The following MRTFB variants were observed in gnomAD, a reference collection of about 807,000 sequenced individuals.
MRTFB encodes the protein myocardin related transcription factor B, also known as myocardin-related transcription factor B.
In MRTFB, 29 loss-of-function variants were observed where a neutral mutation model predicts 104.2. That is an observed-to-expected ratio of 0.28 (90% CI 0.21 to 0.38). MRTFB has a LOEUF of 0.38. MRTFB is among the 10% of genes least tolerant of loss of function. The pLI is 1.00. For synonymous variants in MRTFB, 535 were observed against 519.5 expected, an observed-to-expected ratio of 1.03 and a Z score of -0.41; for missense variants, 1,270 against 1,341.6, an observed-to-expected ratio of 0.95 and a Z score of 0.83.
At chr16:14,160,487 T>A (rs1250578507) in intron 3 of MRTFB, among the ~76,000 whole-genome samples, 2 of 152,224 alleles carry the variant, frequency 1.3e-5, no homozygotes. Flanking sequence ...ATTTCTCTTA[T>A]GTAAATGTAC....
At chr16:14,243,372 A>G (rs1014880276) in intron 10 of MRTFB, among the ~76,000 whole-genome samples, 5 of 152,210 alleles carry the variant, frequency 3.3e-5, no homozygotes, top group Admixed American at 2.6e-4. Context: ...AGCTCACCCA[A>G]CTATGGCTGT....
chr16:14,187,967 G>A (rs908014488), intron 3 of MRTFB, among the ~76,000 whole-genome samples: 6 of 152,274 alleles, frequency 3.9e-5, no homozygotes, highest in East Asian at 1.9e-4. Context: ...GCTCTTGCCC[G>A]TCTTATAGAG....
At chr16:14,227,802 G>A (rs542153446) in intron 8 of MRTFB, among the ~76,000 whole-genome samples, 1 of 152,064 alleles carries the variant, frequency 6.6e-6, no homozygotes, top group Non-Finnish European at 1.5e-5. Context: ...GAGCCACCAC[G>A]CCCTGCCAAA....
chr16:14,163,850 C>G (rs2039133707), intron 3 of MRTFB, among the ~76,000 whole-genome samples: 3 of 148,430 alleles, frequency 2.0e-5, no homozygotes, highest in African/African-American at 7.5e-5. Context: ...AAAAAAAAAG[C>G]AGCTTTTATT....
chr16:14,234,980 TTTAAAACTAAAAAAGGATA>T (rs1191569964), intron 9 of MRTFB, among the ~76,000 whole-genome samples: 2 of 152,078 alleles, frequency 1.3e-5, no homozygotes, highest in East Asian at 3.9e-4. Flanking sequence ...ATCTCAAACT[TTTAAAACTAAAAAAGGATA>T]TTACAGTTAG....
At chr16:14,220,597 T>G (rs2041649193) in intron 8 of MRTFB, among the ~76,000 whole-genome samples, 1 of 152,236 alleles carries the variant, frequency 6.6e-6, no homozygotes, top group Non-Finnish European at 1.5e-5. Context: ...CAGAATTCCT[T>G]GAAGGAAAAT....
the MRTFB span, among the ~76,000 whole-genome samples, chr16:14,053,434 A>AT: frequency 1.3e-4 from 20 of 152,150 alleles, no homozygotes; most frequent in Middle Eastern, 6.8e-3. Flanking sequence ...CAAAAAAAAT[A>AT]TTTTTTTAAA....
At chr16:14,207,144 G>A (rs564015933) in intron 3 of MRTFB, among the ~76,000 whole-genome samples, 1 of 152,274 alleles carries the variant, frequency 6.6e-6, no homozygotes, top group African/African-American at 2.4e-5. Context: ...CCTGGGGGAG[G>A]CCGATGGCCA....
intron 2 of MRTFB, among the ~76,000 whole-genome samples, chr16:14,087,909 G>T (rs946127369): frequency 3.3e-5 from 5 of 152,088 alleles, no homozygotes; most frequent in Non-Finnish European, 7.4e-5. Context: ...CCCTCTAATA[G>T]TAAGTGTTTC....
At chr16:14,152,133 TAA>T (rs1679838154) in intron 3 of MRTFB, 1 of 152,188 alleles carries the variant, frequency 6.6e-6, no homozygotes, top group Admixed American at 6.5e-5. Flanking sequence ...TTGTAATGTT[TAA>T]AGAGATTTTG....
intron 10 of MRTFB, among the ~76,000 whole-genome samples, chr16:14,245,105 C>T (rs1187277101): frequency 6.6e-6 from 1 of 152,204 alleles, no homozygotes; most frequent in Non-Finnish European, 1.5e-5. Flanking sequence ...TCACAGTGTC[C>T]TCTTTTTGGT....
At chr16:14,017,273 G>A in the MRTFB span, among the ~76,000 whole-genome samples, 1 of 151,654 alleles carries the variant, frequency 6.6e-6, no homozygotes, top group Non-Finnish European at 1.5e-5. Context: ...AGCCAGGATG[G>A]TCTCGATCTC....
the MRTFB span, among the ~76,000 whole-genome samples, chr16:14,029,404 T>C: frequency 3.1e-4 from 24 of 78,312 alleles, no homozygotes; most frequent in African/African-American, 1.3e-3. Context: ...AGACTCTGTC[T>C]TAAAAAAAAA....
chr16:14,003,086 A>T, the MRTFB span, among the ~76,000 whole-genome samples: 2 of 152,126 alleles, frequency 1.3e-5, no homozygotes, highest in African/African-American at 4.8e-5. Context: ...GGCCACAAAG[A>T]TGGTCCCCCT....
chr16:14,172,555 G>T (rs1315963870), intron 3 of MRTFB, among the ~76,000 whole-genome samples: 1 of 151,966 alleles, frequency 6.6e-6, no homozygotes, highest in Non-Finnish European at 1.5e-5. Flanking sequence ...CTAGAGAGAG[G>T]GTTGCTGGGT....
At chr16:14,220,782 TG>T (rs2041658467) in intron 8 of MRTFB, among the ~76,000 whole-genome samples, 1 of 152,218 alleles carries the variant, frequency 6.6e-6, no homozygotes, top group Admixed American at 6.5e-5. Context: ...GCTTTTTATC[TG>T]TCAACTAGGG....
the MRTFB span, among the ~76,000 whole-genome samples, chr16:14,048,988 A>G: frequency 1.1e-4 from 17 of 152,274 alleles, no homozygotes; most frequent in East Asian, 3.3e-3. Flanking sequence ...GTTTTTGACT[A>G]TATCAGTGGC....
chr16:14,146,844 TAATG>T, intron 3 of MRTFB, among the ~76,000 whole-genome samples: 1 of 152,328 alleles, frequency 6.6e-6, no homozygotes, highest in Non-Finnish European at 1.5e-5. Context: ...TGAGCTGGTA[TAATG>T]AATGAATGGA....
intron 3 of MRTFB, among the ~76,000 whole-genome samples, chr16:14,178,376 A>G: frequency 6.6e-6 from 1 of 152,158 alleles, no homozygotes; most frequent in African/African-American, 2.4e-5. Flanking sequence ...GGTGCAGGAG[A>G]TTCAAAGTCA....
Sources: gnomAD v4.1 joint callset for allele counts (sites outside exome capture counted in the v4.1 genomes callset) on GRCh38, gnomAD v4.1.1 for gene constraint, MANE v1.5 for transcripts, NCBI Gene and HGNC (gene_info 2026-07-23, HGNC 2026-07-21) for gene names.